Variants in AMD1 observed in about 807,000 individuals in gnomAD.
AMD1 encodes the protein S-adenosylmethionine decarboxylase proenzyme.
A neutral mutation model predicts 40.2 loss-of-function variants in AMD1; 11 were observed. The ratio of observed to expected loss-of-function variants is 0.27; its 90% confidence interval spans 0.17 to 0.45. The LOEUF is 0.45. Among genes scored for constraint, AMD1 ranks in the 20% least tolerant of loss-of-function variants. The probability of loss-of-function intolerance (pLI) is 1.00; values close to 1 mark genes in which losing one functional copy is unlikely to be tolerated. For synonymous variants in AMD1, 121 were observed against 130.8 expected, an observed-to-expected ratio of 0.93 and a Z score of 0.51; for missense variants, 257 against 410.2, an observed-to-expected ratio of 0.63 and a Z score of 3.23.
At chr6:110,843,514 G>A in the AMD1 span, among the ~76,000 whole-genome samples, 2 of 151,050 alleles carry the variant, frequency 1.3e-5, no homozygotes, top group Non-Finnish European at 2.9e-5. Context: ...AGTACTATGA[G>A]TTGGAAGCAG....
chr6:110,835,649 T>C, the AMD1 span, among the ~76,000 whole-genome samples: 1 of 152,056 alleles, frequency 6.6e-6, no homozygotes, highest in African/African-American at 2.4e-5. Flanking sequence ...GCAGATCACC[T>C]GAGGTCAGGA....
the AMD1 span, among the ~76,000 whole-genome samples, chr6:110,867,166 TAG>T: frequency 5.9e-5 from 9 of 151,316 alleles, no homozygotes; most frequent in South Asian, 1.9e-3. Flanking sequence ...TTTTTTTTTT[TAG>T]AGACTCTCTC....
At chr6:110,834,695 AC>A in the AMD1 span, among the ~76,000 whole-genome samples, 14 of 152,148 alleles carry the variant, frequency 9.2e-5, no homozygotes, top group South Asian at 2.7e-3. Flanking sequence ...ACTGTGGCTC[AC>A]GTCTGTAATC....
chr6:110,883,937 A>G (rs1424205991), intron 1 of AMD1, among the ~76,000 whole-genome samples: 1 of 152,080 alleles, frequency 6.6e-6, no homozygotes, highest in African/African-American at 2.4e-5. Context: ...TCCTTCCCCT[A>G]TCCCCTATGT....
chr6:110,846,800 G>C, the AMD1 span, among the ~76,000 whole-genome samples: 1 of 151,990 alleles, frequency 6.6e-6, no homozygotes, highest in Non-Finnish European at 1.5e-5. Context: ...AACTCAGTAG[G>C]CAGAGGTCAC....
the AMD1 span, among the ~76,000 whole-genome samples, chr6:110,867,250 G>C: frequency 1.3e-5 from 2 of 151,800 alleles, no homozygotes; most frequent in African/African-American, 2.4e-5. Flanking sequence ...TGGGTTCCGA[G>C]CAATCCTCCT....
chr6:110,882,993 C>T (rs1326919253), intron 1 of AMD1, among the ~76,000 whole-genome samples: 1 of 152,078 alleles, frequency 6.6e-6, no homozygotes, highest in African/African-American at 2.4e-5. Context: ...TGTAGTGATA[C>T]ATGCCCTGTG....
chr6:110,815,363 C>T, the AMD1 span: 10 of 386,122 alleles, frequency 2.6e-5, no homozygotes, highest in Non-Finnish European at 4.0e-5. Flanking sequence ...GCGACGGCGG[C>T]GGCGGCTCCC....
At chr6:110,814,844 G>T in the AMD1 span, 1 of 876,230 alleles carries the variant, frequency 1.1e-6, no homozygotes, top group South Asian at 1.5e-5. Context: ...CGGGGGAGGC[G>T]GGCGGAACGG....
the AMD1 span, among the ~76,000 whole-genome samples, chr6:110,860,054 C>T: frequency 2.6e-5 from 4 of 152,010 alleles, no homozygotes; most frequent in East Asian, 1.9e-4. Flanking sequence ...CTCAAACTCC[C>T]GGCCTCAGGT....
At chr6:110,836,164 C>G in the AMD1 span, among the ~76,000 whole-genome samples, 1 of 151,736 alleles carries the variant, frequency 6.6e-6, no homozygotes, top group Non-Finnish European at 1.5e-5. Context: ...CAAAAATATC[C>G]CTTTTGACCT....
chr6:110,826,498 C>T, the AMD1 span, among the ~76,000 whole-genome samples: 1 of 151,928 alleles, frequency 6.6e-6, no homozygotes, highest in East Asian at 1.9e-4. Context: ...AGTCTGAAAT[C>T]AAGATGTCTG....
At chr6:110,830,573 A>C in the AMD1 span, among the ~76,000 whole-genome samples, 1 of 152,230 alleles carries the variant, frequency 6.6e-6, no homozygotes, top group Non-Finnish European at 1.5e-5. Flanking sequence ...CATGTGATTA[A>C]AACTGGGTAT....
intron 3 of AMD1, chr6:110,890,031 T>A (rs527579017): frequency 2.1e-4 from 90 of 430,534 alleles, no homozygotes; most frequent in African/African-American, 1.8e-3. Context: ...GAGAGAGAGA[T>A]GGGGCCTCAG....
chr6:110,843,219 T>C, the AMD1 span, among the ~76,000 whole-genome samples: 1 of 151,898 alleles, frequency 6.6e-6, no homozygotes, highest in Admixed American at 6.6e-5. Context: ...TCGCAGCACT[T>C]TGGAAGGCCT....
upstream of AMD1, among the ~76,000 whole-genome samples, chr6:110,871,118 G>A (rs1417358638): frequency 6.6e-6 from 1 of 152,186 alleles, no homozygotes; most frequent in Non-Finnish European, 1.5e-5. Flanking sequence ...TGAGGTTGGA[G>A]GATAATTAAT....
At chr6:110,825,166 G>T in the AMD1 span, among the ~76,000 whole-genome samples, 1 of 152,094 alleles carries the variant, frequency 6.6e-6, no homozygotes, top group African/African-American at 2.4e-5. Flanking sequence ...GATAAATTAG[G>T]AACAGTTAAG....
At chr6:110,887,067 C>T (rs1384153456) in intron 1 of AMD1, among the ~76,000 whole-genome samples, 1 of 152,158 alleles carries the variant, frequency 6.6e-6, no homozygotes, top group Non-Finnish European at 1.5e-5. Flanking sequence ...TAACATCACT[C>T]ACTGTGTCCC....
At chr6:110,875,875 C>T (rs1212060081) in intron 1 of AMD1, among the ~76,000 whole-genome samples, 2 of 152,140 alleles carry the variant, frequency 1.3e-5, no homozygotes, top group African/African-American at 4.8e-5. Flanking sequence ...ATGCTCTGCG[C>T]CAGAGCCTTT....
Sources: gnomAD v4.1 joint callset for allele counts (sites outside exome capture counted in the v4.1 genomes callset) on GRCh38, gnomAD v4.1.1 for gene constraint, MANE v1.5 for transcripts, NCBI Gene and HGNC (gene_info 2026-07-23, HGNC 2026-07-21) for gene names.